SPTBN2: variants seen among roughly 807,000 people sequenced by gnomAD.
The protein encoded by SPTBN2 is spectrin beta chain, non-erythrocytic 2.
Under a neutral mutation model 284.2 loss-of-function variants are expected in SPTBN2, and 107 were observed. The observed-to-expected ratio is 0.38, with a 90% CI of 0.32 to 0.44. SPTBN2 has a LOEUF of 0.44. Ranked by LOEUF, SPTBN2 falls within the 20% of genes least tolerant of loss-of-function variation. SPTBN2 has a pLI of 1.00. For synonymous variants in SPTBN2, 1,289 were observed against 1,354.8 expected (o/e 0.95, Z 1.07); for missense variants, 2,569 against 3,287.1 (o/e 0.78, Z 5.34).
Position 66,723,059 on chromosome 11 carries a change from C to G in SPTBN2, c.-113-1619G>C, listed in dbSNP as rs75871969. ...ACAGGTTCCTCAACCGTCTTAGAGG[C>G]TCATCCCAGACGGATGAGCAGCCGT... On this transcript the variant is annotated intron_variant, in intron 1 of 37. Transcript: ENST00000533211. Among the ~76,000 whole-genome samples, 235 of 152,226 alleles carry G rather than the reference C, an allele frequency of 1.5e-3. 3 individuals carry two copies. The highest frequency in any genetic ancestry group is 1.9e-3 in the Non-Finnish European group (131 of 68,008).
At chr11:66,731,480 T>C (rs1237927277), upstream of SPTBN2, among the ~76,000 whole-genome samples, 2 of 152,214 alleles carry the variant, frequency 1.3e-5, no homozygotes, top group African/African-American at 2.4e-5. Flanking sequence ...CAAACATACA[T>C]ACATAGCCGA....
intron 1 of SPTBN2, among the ~76,000 whole-genome samples, chr11:66,723,824 C>A (rs369893979): frequency 6.6e-6 from 1 of 152,160 alleles, no homozygotes; most frequent in South Asian, 2.1e-4. Flanking sequence ...CCTGAACTAG[C>A]GTCACCTAAT....
Position 66,715,778 on chromosome 11 carries a change from C to A in SPTBN2, c.309+52G>T. The A allele has an allele frequency of 1.9e-6, 3 of 1,606,324 alleles. No individual in the cohort carries two copies. The highest frequency in any genetic ancestry group is 2.2e-5 in the East Asian group (1 of 44,528). Reference sequence around the variant, plus strand: ...TGAGGGCTGTTCTTCCAGCTGGTCCCCTTGGACACTTTTCTAAGGCCCCCC... The same window carrying A: ...TGAGGGCTGTTCTTCCAGCTGGTCCACTTGGACACTTTTCTAAGGCCCCCC... On this transcript the variant is annotated intron_variant, in intron 4 of 37. Transcript: ENST00000533211. The surrounding 1 kb of genome is among the most constrained non-coding windows in gnomAD (Gnocchi z 5.3).
At chr11:66,721,559 C>T (rs1021629808) in intron 1 of SPTBN2, 119 bp from the exon 2 acceptor site, 5 of 424,654 alleles carry the variant, frequency 1.2e-5, no homozygotes, top group East Asian at 1.0e-4. Flanking sequence ...GACGGGTTTG[C>T]GGGGTGAAGA....
chr11:66,696,127 G>T, intron 21 of SPTBN2, 150 bp downstream of exon 21: 3 of 1,018,188 alleles, frequency 2.9e-6, no homozygotes, highest in Non-Finnish European at 4.4e-6. Context: ...CATATCCCTA[G>T]AGATTCTGAT....
intron 1 of SPTBN2, among the ~76,000 whole-genome samples, chr11:66,740,280 C>G (rs76064092): frequency 0.011 from 1,646 of 152,130 alleles, 36 homozygotes; most frequent in African/African-American, 0.037. Context: ...GGGTGAAGAA[C>G]GAAATACTCG....
In SPTBN2 at chr11:66,707,338, T is replaced by G. The variant is rs1450481983; in HGVS notation, c.1653+178A>C. 6.6e-6 allele frequency among the ~76,000 whole-genome samples: 1 copy of G among 152,246 alleles called. No individual in the cohort carries two copies. Among genetic ancestry groups the G allele is most frequent in the East Asian group, 1.9e-4 (1 of 5,198 alleles). ...GGTTTTGTCATCAGCCTCCTCCATG[T>G]GGACACGAACCCCATGTGGACAGGG... On this transcript the variant is annotated intron_variant, in intron 13 of 37. Transcript: ENST00000533211. The surrounding 1 kb of genome is among the most constrained non-coding windows in gnomAD (Gnocchi z 4.9).
rs761603492 is a variant in SPTBN2, at chr11:66,700,768, G to A, written c.3331C>T (p.Arg1111Trp). The part of the protein sequence containing the change: ...EALLAQHAAL[R>W]GEVERAQSEY... ...CTCTGGGCCCGCTCCACCTCTCCCCGCAGGGCTGCATGTTGGGCCAGGAGG... is the reference window on the plus strand; with the variant it reads ...CTCTGGGCCCGCTCCACCTCTCCCCACAGGGCTGCATGTTGGGCCAGGAGG... Residue 1111 changes from arginine to tryptophan, a missense_variant, in exon 17 of 38, where the codon CGG becomes TGG. Around this residue, in one of 6 missense-constraint regions of SPTBN2, gnomAD observed 1,012 missense variants for 1,248.9 expected, o/e 0.81. Transcript: ENST00000533211. The surrounding 1 kb of genome is among the most constrained non-coding windows in gnomAD (Gnocchi z 6.6). The A allele has an allele frequency of 4.4e-6, 7 of 1,601,934 alleles. No individual in the cohort carries two copies. The highest frequency in any genetic ancestry group is 2.5e-6 in the Non-Finnish European group (3 of 1,179,732).
rs944761488 is a variant in SPTBN2 at position 66,743,830 on chromosome 11, T to A, written c.-475+712A>T. ...CCCCTGGATTAGGCTGGGAGATGCT[T>A]GGGGCTGGTTGTAAGGTAAAAGACG... On this transcript the variant is annotated intron_variant, in intron 1 of 37. Coordinates refer to the SPTBN2 transcript ENST00000611817. 4.8e-4 allele frequency among the ~76,000 whole-genome samples: 73 copies of A among 152,268 alleles called. 1 individual carries two copies. The highest frequency in any genetic ancestry group is 1.7e-3 in the African/African-American group (72 of 41,530).
Position 66,691,747 on chromosome 11 carries a change from A to G in SPTBN2, c.5191-89T>C. The G allele has an allele frequency of 6.3e-7, 1 of 1,584,320 alleles. No homozygotes were observed. Among genetic ancestry groups the G allele is most frequent in the East Asian group, 2.2e-5 (1 of 44,686 alleles). ...GGAGCGAGTCCTCCACTCCAAACTC[A>G]GAACCCACCTCTCCCCGCTGCATGG... is the stretch of plus-strand genomic sequence containing the variant. On this transcript the variant is annotated intron_variant, in intron 26 of 37. Coordinates refer to ENST00000533211, the MANE Select transcript of SPTBN2 (RefSeq NM_006946.4). The surrounding 1 kb of genome is among the most constrained non-coding windows in gnomAD (Gnocchi z 8.0).
chr11:66,716,793 G>A (rs568391962), intron 3 of SPTBN2, among the ~76,000 whole-genome samples: 17 of 152,342 alleles, frequency 1.1e-4, no homozygotes, highest in South Asian at 4.1e-4. Context: ...GATCTGGCCC[G>A]AAGGAGAGCA....
Position 66,687,753 on chromosome 11 carries a change from C to T in SPTBN2, c.6502-106G>A, listed in dbSNP as rs954730793. ...GTTGGTCTTCCTGCCCCCAAGCTGC[C>T]TGTGAGCCTCTGCCCTCTCCCATCC... On this transcript the variant is annotated intron_variant, in intron 34 of 37. Coordinates refer to ENST00000533211, the MANE Select transcript of SPTBN2 (RefSeq NM_006946.4). This position sits in a 1 kb window ranked among gnomAD's most constrained non-coding sequence, Gnocchi z 5.2. The T allele has an allele frequency of 2.5e-6, 4 of 1,585,136 alleles. No homozygotes were observed. The African/African-American group carries it at 5.4e-5, about 21-fold the overall frequency.
intron 15 of SPTBN2, among the ~76,000 whole-genome samples, chr11:66,702,949 A>C (rs1479858537): frequency 6.6e-6 from 1 of 151,334 alleles, no homozygotes; most frequent in African/African-American, 2.4e-5. Flanking sequence ...AAAAAAAAAA[A>C]AAAAAAAAAA....
Position 66,718,656 on chromosome 11 carries a change from A to G in SPTBN2, c.157+2428T>C, listed in dbSNP as rs1381707500. Among the ~76,000 whole-genome samples the G allele has an allele frequency of 6.6e-6, 1 of 152,254 alleles. No individual in the cohort carries two copies. The highest frequency in any genetic ancestry group is 1.5e-5 in the Non-Finnish European group (1 of 68,052). ...GCTAGTTACAGAGCCCAGGGCCCAG[A>G]GTCCATGCTCCCCGCTGGCAGGGGG... is the stretch of plus-strand genomic sequence containing the variant. On this transcript the variant is annotated intron_variant, in intron 3 of 37. Transcript: ENST00000533211. The surrounding 1 kb of genome is among the most constrained non-coding windows in gnomAD (Gnocchi z 4.8).
chr11:66,711,333 A>T (rs1322108007), intron 8 of SPTBN2, among the ~76,000 whole-genome samples: 1 of 152,212 alleles, frequency 6.6e-6, no homozygotes, highest in African/African-American at 2.4e-5. Flanking sequence ...AAAGCAAGAA[A>T]AGAAACAGCA....
upstream of SPTBN2, among the ~76,000 whole-genome samples, chr11:66,733,982 C>T (rs1261663215): frequency 3.3e-5 from 3 of 90,342 alleles, no homozygotes; most frequent in African/African-American, 6.3e-5. Flanking sequence ...GAGACTCCGT[C>T]TCAAAAAAAA....
intron 1 of SPTBN2, among the ~76,000 whole-genome samples, chr11:66,726,857 T>G (rs1481164683): frequency 6.6e-6 from 1 of 151,854 alleles, no homozygotes; most frequent in Non-Finnish European, 1.5e-5. Flanking sequence ...GGCAGAGAGA[T>G]AAAACGAAAA....
Position 66,687,290 on chromosome 11 carries a change from T to C in SPTBN2, c.6723-123A>G. ...AGGCCACGGTCTTCACACCCTCTGG[T>C]CCTCCCCTGAGGCCCCGCTCTGGTC... On this transcript the variant is annotated intron_variant, in intron 35 of 37. Coordinates refer to ENST00000533211, the MANE Select transcript of SPTBN2 (RefSeq NM_006946.4). This position sits in a 1 kb window ranked among gnomAD's most constrained non-coding sequence, Gnocchi z 5.2. The C allele has an allele frequency of 6.5e-7, 1 of 1,543,656 alleles. No individual in the cohort carries two copies. The highest frequency in any genetic ancestry group is 1.1e-5 in the South Asian group (1 of 88,648).
Position 66,708,054 on chromosome 11 carries a change from G to T in SPTBN2, c.1350+87C>A. On this transcript the variant is annotated intron_variant, in intron 12 of 37. Transcript: ENST00000533211. This position sits in a 1 kb window ranked among gnomAD's most constrained non-coding sequence, Gnocchi z 4.4. ...CAGGTGACGGATTTTGTGTTTCATT[G>T]TCTCTCCACCCCGCGGGGCTTCTTA... 6.3e-7 allele frequency: 1 copy of T among 1,589,604 alleles called. No individual in the cohort carries two copies.
Sources: allele counts gnomAD v4.1 joint callset (sites outside exome capture counted in the v4.1 genomes callset), GRCh38; gene constraint gnomAD v4.1.1; regional missense constraint gnomAD v4.1.1; non-coding constraint Gnocchi (gnomAD v3.1); transcripts MANE v1.5; gene names NCBI Gene and HGNC (gene_info 2026-07-23, HGNC 2026-07-21).